TIAM1: variants seen among roughly 807,000 people sequenced by gnomAD.
TIAM1 encodes the protein TIAM Rac1 associated GEF 1.
A neutral mutation model predicts 163.5 loss-of-function variants in TIAM1; 65 were observed. That is an observed-to-expected ratio of 0.40 (90% CI 0.33 to 0.49). TIAM1 has a LOEUF of 0.49. TIAM1 is among the 20% of genes least tolerant of loss of function. The probability of loss-of-function intolerance (pLI) is 0.77; values close to 1 mark genes in which losing one functional copy is unlikely to be tolerated. For missense variants in TIAM1, 1,789 were observed against 2,044.7 expected (o/e 0.87, Z 2.41); for synonymous variants, 833 against 810.1 (o/e 1.03, Z -0.48).
At chr21:31,491,258 G>A (rs1207035103) in intron 1 of TIAM1, among the ~76,000 whole-genome samples, 2 of 152,228 alleles carry the variant, frequency 1.3e-5, no homozygotes, top group Non-Finnish European at 2.9e-5. Flanking sequence ...TGCCATCACT[G>A]CATTAATGAA....
intron 6 of TIAM1, among the ~76,000 whole-genome samples, chr21:31,228,239 A>ATCTGAT (rs1569068810): frequency 6.1e-5 from 3 of 49,320 alleles, no homozygotes; most frequent in African/African-American, 1.2e-4. Context: ...AAAAAAAAAA[A>ATCTGAT]AAAAAAAAAA....
At chr21:31,413,259 CTTTTCTTTTT>C (rs2043264400) in intron 2 of TIAM1, among the ~76,000 whole-genome samples, 1 of 128,758 alleles carries the variant, frequency 7.8e-6, no homozygotes, top group Non-Finnish European at 1.6e-5. Context: ...CTTTTCTTTT[CTTTTCTTTTT>C]TTTTTTTTTT....
chr21:31,174,146 C>A (rs1475078910), intron 15 of TIAM1, among the ~76,000 whole-genome samples: 1 of 152,218 alleles, frequency 6.6e-6, no homozygotes, highest in Non-Finnish European at 1.5e-5. Flanking sequence ...CTTTGCCGCC[C>A]CTCCCTGCCG....
In TIAM1 at chr21:31,154,259, G is replaced by A. The variant is rs2083510178; in HGVS notation, c.3159C>T (p.Arg1053=). 6 of 1,613,990 alleles carry A rather than the reference G, an allele frequency of 3.7e-6. No homozygotes were observed. Among genetic ancestry groups the A allele is most frequent in the South Asian group, 2.2e-5 (2 of 91,078 alleles). Residue 1053 remains arginine (R), a synonymous_variant, in exon 17 of 28, where the codon CGC becomes CGT. Coordinates refer to ENST00000541036, the MANE Select transcript of TIAM1 (RefSeq NM_001353694.2). Reference sequence around the variant, plus strand: ...AAAAGAAACATACCTTCACGTAGGTGCGCTCCGTCTCCAGGAGCTCGCAGA... The same window carrying A: ...AAAAGAAACATACCTTCACGTAGGTACGCTCCGTCTCCAGGAGCTCGCAGA... ...KVICELLETE[R]TYVKDLNCLM...
chr21:31,410,697 A>T lies in TIAM1; in HGVS notation c.-369+53286T>A, dbSNP rs576142203. ...GAGACAGGGCGTGAGAGTGTGTGTGAGTGTGTATGTGAGAGAGACACAGAG... is the reference window on the plus strand; with the variant it reads ...GAGACAGGGCGTGAGAGTGTGTGTGTGTGTGTATGTGAGAGAGACACAGAG... On this transcript the variant is annotated intron_variant, in intron 2 of 28. Transcript: ENST00000286827. Among the ~76,000 whole-genome samples the T allele has an allele frequency of 1.1e-4, 16 of 145,756 alleles. No homozygotes were observed. In the East Asian group the frequency reaches 2.5e-3, roughly 23 times the overall value.
chr21:31,439,737 A>T (rs2044352619), intron 2 of TIAM1, among the ~76,000 whole-genome samples: 1 of 152,240 alleles, frequency 6.6e-6, no homozygotes, highest in Admixed American at 6.5e-5. Context: ...AAGAAATAGA[A>T]CTTACTTTAC....
intron 3 of TIAM1, among the ~76,000 whole-genome samples, chr21:31,267,420 C>G (rs2072838647): frequency 6.6e-6 from 1 of 152,072 alleles, no homozygotes; most frequent in African/African-American, 2.4e-5. Flanking sequence ...GGAGTAATTT[C>G]TGTTTGAAAT....
intron 9 of TIAM1, among the ~76,000 whole-genome samples, chr21:31,216,114 T>C (rs2087194142): frequency 1.3e-5 from 2 of 152,016 alleles, no homozygotes; most frequent in Admixed American, 1.3e-4. Context: ...AGGGTGCGGT[T>C]AGCCGAGATT....
chr21:31,239,948 T>A (rs980114696), intron 6 of TIAM1, among the ~76,000 whole-genome samples: 1 of 152,228 alleles, frequency 6.6e-6, no homozygotes, highest in East Asian at 1.9e-4. Context: ...GCCTAACCCA[T>A]GACCCTGCAA....
At chr21:31,441,281 T>C (rs2044408429) in intron 2 of TIAM1, among the ~76,000 whole-genome samples, 1 of 152,208 alleles carries the variant, frequency 6.6e-6, no homozygotes. Context: ...TACCAAGGTG[T>C]GGCCCAAGCA....
chr21:31,305,316 GATT>G (rs2074661046), intron 2 of TIAM1, among the ~76,000 whole-genome samples: 1 of 151,922 alleles, frequency 6.6e-6, no homozygotes, highest in African/African-American at 2.4e-5. Context: ...CCGAATAAGC[GATT>G]GGTTCTACAA....
Position 31,266,175 on chromosome 21 carries a change from A to T in TIAM1, c.798T>A (p.Asn266Lys), listed in dbSNP as rs1394399526. 2 of 1,614,140 alleles carry T rather than the reference A, an allele frequency of 1.2e-6. No individual in the cohort carries two copies. Among genetic ancestry groups the T allele is most frequent in the East Asian group, 4.5e-5 (2 of 44,862 alleles). ...YCRNLVSDIP[N>K]LANHKMPPAA... ...CTGGTGGCATCTTATGGTTTGCAAGATTGGGAATATCAGACACCAAATTCC... is the reference window on the plus strand; with the variant it reads ...CTGGTGGCATCTTATGGTTTGCAAGTTTGGGAATATCAGACACCAAATTCC... The change falls in exon 4 of 28, where the codon AAT (asparagine) becomes AAA (lysine). Residue 266 changes from asparagine (N) to lysine (K), a missense_variant. Transcript: ENST00000541036.
intron 2 of TIAM1, among the ~76,000 whole-genome samples, chr21:31,455,021 C>T (rs1018221791): frequency 6.6e-6 from 1 of 152,110 alleles, no homozygotes; most frequent in Non-Finnish European, 1.5e-5. Context: ...TGGCTCACAC[C>T]TGTAATCCTA....
chr21:31,282,741 T>C (rs1053756247), intron 2 of TIAM1, among the ~76,000 whole-genome samples: 2 of 152,198 alleles, frequency 1.3e-5, no homozygotes, highest in African/African-American at 4.8e-5. Context: ...GGGCCCCAAG[T>C]TCCTACTCCA....
Position 31,232,493 on chromosome 21 carries a change from G to A in TIAM1, c.1585-6543C>T, listed in dbSNP as rs115364020. Among the ~76,000 whole-genome samples, 955 of 152,232 alleles carry A rather than the reference G, an allele frequency of 6.3e-3. 5 individuals carry two copies. Among genetic ancestry groups the A allele is most frequent in the African/African-American group, 0.022 (906 of 41,522 alleles). Reference sequence around the variant, plus strand: ...GAGCTATGTGTCCACAAGAGGAGACGAACTCTCCACTGACTGCTTTCAAAA... The same window carrying A: ...GAGCTATGTGTCCACAAGAGGAGACAAACTCTCCACTGACTGCTTTCAAAA... On this transcript the variant is annotated intron_variant, in intron 6 of 27. Coordinates refer to ENST00000541036, the MANE Select transcript of TIAM1 (RefSeq NM_001353694.2).
At chr21:31,194,693 A>T (rs1021334601) in intron 13 of TIAM1, among the ~76,000 whole-genome samples, 2 of 152,172 alleles carry the variant, frequency 1.3e-5, no homozygotes, top group Non-Finnish European at 2.9e-5. Flanking sequence ...AAAACATGAG[A>T]TTCCGGTCTA....
chr21:31,335,707 A>G (rs2075816730), intron 2 of TIAM1, among the ~76,000 whole-genome samples: 1 of 151,854 alleles, frequency 6.6e-6, no homozygotes, highest in Non-Finnish European at 1.5e-5. Flanking sequence ...TCTGTCTCCA[A>G]AAAAAAAGAA....
rs370954256 is a variant in TIAM1, at chr21:31,203,114, T to TTTG, written c.2389-105_2389-103dup. The stretch of plus-strand genomic sequence containing the variant: ...CGATGTATTCCTATGACCAATAGAG[T>TTTG]TTGTTGTTGTTGTTGTTGTTGTTTT... On this transcript the variant is annotated intron_variant, in intron 11 of 27. Transcript: ENST00000541036. 1.3e-3 allele frequency: 1,304 copies of TTTG among 967,312 alleles called. 6 individuals are homozygous for TTTG. The African/African-American group carries it at 0.016, about 12-fold the overall frequency. The allele number at this position is 967,312 out of a possible 1,614,324, so 59.9% of individuals were successfully genotyped here.
At chr21:31,511,113 G>A (rs1385531440) in intron 1 of TIAM1, among the ~76,000 whole-genome samples, 1 of 152,196 alleles carries the variant, frequency 6.6e-6, no homozygotes, top group Non-Finnish European at 1.5e-5. Context: ...ATCACAGGAG[G>A]AACCAATGCC....
Sources: allele counts gnomAD v4.1 joint callset (sites outside exome capture counted in the v4.1 genomes callset), GRCh38; gene constraint gnomAD v4.1.1; transcripts MANE v1.5; gene names NCBI Gene and HGNC (gene_info 2026-07-23, HGNC 2026-07-21).